Variants in RWDD4 observed in about 807,000 individuals in gnomAD.
RWDD4 encodes RWD domain-containing protein 4.
In RWDD4, 16 loss-of-function variants were observed where a neutral mutation model predicts 30.0. The ratio of observed to expected loss-of-function variants is 0.53; its 90% CI spans 0.36 to 0.81. The LOEUF (loss-of-function observed/expected upper bound fraction) is 0.81. Among genes scored for constraint, RWDD4 ranks in the 30% least tolerant of loss-of-function variants. RWDD4 has a pLI of 0.00. For synonymous variants in RWDD4, 45 were observed against 72.1 expected, an observed-to-expected ratio of 0.62 and a Z score of 1.90; for missense variants, 170 against 223.9, an observed-to-expected ratio of 0.76 and a Z score of 1.54.
intron 1 of RWDD4, among the ~76,000 whole-genome samples, chr4:183,657,033 GCAA>G (rs151082128): frequency 0.27 from 40,610 of 151,990 alleles, 5,426 homozygotes; most frequent in South Asian, 0.35. Flanking sequence ...CTCAAAAATA[GCAA>G]CAACAACAGC....
At position 183,651,054 on chromosome 4, in the gene RWDD4, T is replaced by G; in HGVS notation, c.293A>C (p.Tyr98Ser). 1 of 1,613,754 alleles carries G rather than the reference T, an allele frequency of 6.2e-7. No homozygotes were observed. The highest frequency in any genetic ancestry group is 8.5e-7 in the Non-Finnish European group (1 of 1,179,964). The part of the protein sequence containing the change: ...VEANLGTAMT[Y>S]TLFEYAKDNK... ...GTCTTTGGCATATTCAAACAATGTA[T>G]AGGTCATAGCGGTTCCAAGATTAGC... Residue 98 changes from tyrosine (Y) to serine (S), a missense_variant, in exon 4 of 8, where the codon TAT (tyrosine) becomes TCT (serine). By Grantham distance (144) the Tyr-to-Ser change is moderately radical. Transcript: ENST00000326397.
chr4:183,641,464 C>A lies in RWDD4; in HGVS notation c.539G>T (p.Ser180Ile), dbSNP rs1733854950. 3 of 1,606,626 alleles carry A rather than the reference C, an allele frequency of 1.9e-6. No homozygotes were observed. Among genetic ancestry groups the A allele is most frequent in the Non-Finnish European group, 2.6e-6 (3 of 1,174,994 alleles). The change falls in exon 8 of 8, where the codon AGC becomes ATC. Residue 180 changes from serine to isoleucine, a missense_variant. Ser to Ile is a moderately radical substitution (Grantham distance 142). Coordinates refer to ENST00000326397, the MANE Select transcript of RWDD4 (RefSeq NM_152682.4). ...CTCATCATCCTTAGAGCCAGTTTTG[C>A]TTAACTATAAAAAAAAGAGAGAAAA... ...WNWVDVVKHLSKTGSKDDE is the reference protein window; with the variant it reads ...WNWVDVVKHLIKTGSKDDE
intron 7 of RWDD4, among the ~76,000 whole-genome samples, chr4:183,643,885 T>A (rs1258822535): frequency 6.6e-6 from 1 of 152,110 alleles, no homozygotes; most frequent in Admixed American, 6.6e-5. Flanking sequence ...ACCACTGCAC[T>A]CCAGCCTGGG....
At position 183,658,879 on chromosome 4, in the gene RWDD4, G is replaced by A. The variant is rs1734291387; in HGVS notation, c.24+50C>T. The stretch of plus-strand genomic sequence containing the variant: ...GCACCAGGTCTCACGGGGGCCCGGG[G>A]CTGCGCGCCGCGCCCGCGCTGGGAG... On this transcript the variant is annotated intron_variant, in intron 1 of 7. Transcript: ENST00000326397. 11 of 1,231,456 alleles carry A rather than the reference G, an allele frequency of 8.9e-6. No individual in the cohort carries two copies. The East Asian group carries it at 2.5e-4, about 28-fold the overall frequency. The allele number at this position is 1,231,456 out of a possible 1,614,324, so 76.3% of individuals were successfully genotyped here.
At chr4:183,648,298 A>G (rs1734003713) in intron 5 of RWDD4, among the ~76,000 whole-genome samples, 1 of 152,010 alleles carries the variant, frequency 6.6e-6, no homozygotes, top group African/African-American at 2.4e-5. Context: ...GGTTCTTCTC[A>G]ATAAAGAGAA....
At chr4:183,655,226 C>T (rs1416454582) in intron 2 of RWDD4, among the ~76,000 whole-genome samples, 1 of 152,078 alleles carries the variant, frequency 6.6e-6, no homozygotes, top group African/African-American at 2.4e-5. Flanking sequence ...AAGGTGTGAG[C>T]CACTGTGCCC....
rs531755149 is a variant in RWDD4 at position 183,649,791 on chromosome 4, C to T, written c.364-223G>A. On this transcript the variant is annotated intron_variant, in intron 4 of 7. Transcript: ENST00000326397. ...CGTAATATTAGTTCAATTGTTATAA[C>T]CAAAATCCTGGGAAGGAAGATCTGA... Among the ~76,000 whole-genome samples, 15 of 152,272 alleles carry T rather than the reference C, an allele frequency of 9.9e-5. No individual in the cohort carries two copies. The South Asian group carries it at 2.9e-3, about 29-fold the overall frequency.
intron 6 of RWDD4, 34 bp downstream of exon 6, chr4:183,646,454 C>A: frequency 6.2e-7 from 1 of 1,603,784 alleles, no homozygotes; most frequent in Non-Finnish European, 8.5e-7. Context: ...ATAATTGTAA[C>A]AAGTTTAAAG....
At chr4:183,646,882 A>T (rs983547457) in intron 5 of RWDD4, among the ~76,000 whole-genome samples, 3 of 152,202 alleles carry the variant, frequency 2.0e-5, no homozygotes, top group Non-Finnish European at 4.4e-5. Context: ...ATAAGAGGTC[A>T]TTGCTTATTT....
At chr4:183,652,566 C>T (rs1360358989) in intron 2 of RWDD4, among the ~76,000 whole-genome samples, 2 of 152,030 alleles carry the variant, frequency 1.3e-5, no homozygotes, top group East Asian at 1.9e-4. Flanking sequence ...ACTCTCAGCA[C>T]TTTGGGAGGC....
intron 4 of RWDD4, among the ~76,000 whole-genome samples, chr4:183,649,901 AC>A (rs1734041123): frequency 6.6e-6 from 1 of 152,040 alleles, no homozygotes; most frequent in Non-Finnish European, 1.5e-5. Flanking sequence ...TTTAATTAAA[AC>A]CTTTTTTTTT....
At chr4:183,651,866 C>T (rs1409869016) in intron 2 of RWDD4, among the ~76,000 whole-genome samples, 1 of 152,180 alleles carries the variant, frequency 6.6e-6, no homozygotes, top group Non-Finnish European at 1.5e-5. Flanking sequence ...TAAAGACGCC[C>T]TTGTTTCTTC....
intron 5 of RWDD4, among the ~76,000 whole-genome samples, chr4:183,648,176 G>A (rs182865799): frequency 1.2e-3 from 167 of 138,574 alleles, no homozygotes; most frequent in Non-Finnish European, 1.9e-3. Flanking sequence ...CCCAGGAGGC[G>A]GAGGTTGCAG....
intron 5 of RWDD4, among the ~76,000 whole-genome samples, 155 bp downstream of exon 5, chr4:183,649,295 TC>T (rs1734026849): frequency 6.6e-6 from 1 of 151,842 alleles, no homozygotes; most frequent in African/African-American, 2.4e-5. Flanking sequence ...GCGCCTATAA[TC>T]CCAACTACTC....
intron 5 of RWDD4, among the ~76,000 whole-genome samples, chr4:183,647,034 T>A (rs1051791512): frequency 3.0e-4 from 46 of 152,242 alleles, no homozygotes; most frequent in African/African-American, 1.1e-3. Context: ...TATTAGTTGC[T>A]GTGATCTGAT....
At chr4:183,657,763 C>T (rs1734233908) in intron 1 of RWDD4, among the ~76,000 whole-genome samples, 1 of 152,156 alleles carries the variant, frequency 6.6e-6, no homozygotes, top group Admixed American at 6.5e-5. Flanking sequence ...TAAAAGGAAC[C>T]ACTTCCTCAG....
chr4:183,653,227 G>A (rs1021308833), intron 2 of RWDD4, among the ~76,000 whole-genome samples: 8 of 152,082 alleles, frequency 5.3e-5, no homozygotes, highest in Non-Finnish European at 1.2e-4. Context: ...CATGGTTTAG[G>A]TGATCTTCTC....
At chr4:183,647,987 G>A (rs961970602) in intron 5 of RWDD4, among the ~76,000 whole-genome samples, 3 of 151,846 alleles carry the variant, frequency 2.0e-5, no homozygotes, top group Non-Finnish European at 4.4e-5. Flanking sequence ...GCTCAAGCCC[G>A]TAATCCCAGC....
intron 2 of RWDD4, among the ~76,000 whole-genome samples, chr4:183,655,521 T>G (rs1038731008): frequency 2.0e-5 from 3 of 152,174 alleles, no homozygotes; most frequent in African/African-American, 7.2e-5. Flanking sequence ...CCTGACCTCG[T>G]GATCCGCCCA....
Sources: allele counts gnomAD v4.1 joint callset (sites outside exome capture counted in the v4.1 genomes callset), GRCh38; gene constraint gnomAD v4.1.1; transcripts MANE v1.5; gene names NCBI Gene and HGNC (gene_info 2026-07-23, HGNC 2026-07-21).